The following MOXD1 variants were observed in gnomAD, a reference collection of about 807,000 sequenced individuals.
MOXD1 encodes DBH-like monooxygenase protein 1.
In MOXD1, 62 loss-of-function variants were observed where a neutral mutation model predicts 66.6. That is an observed-to-expected ratio of 0.93 (90% CI 0.76 to 1.15). The LOEUF is 1.15. Among genes scored for constraint, MOXD1 ranks in the 50% most tolerant of loss-of-function variants. The pLI, the probability that MOXD1 is intolerant of heterozygous loss-of-function variation, is 0.00. For missense variants in MOXD1, 847 were observed against 754.6 expected (o/e 1.12, Z -1.44); for synonymous variants, 303 against 281.9 (o/e 1.07, Z -0.75).
intron 1 of MOXD1, among the ~76,000 whole-genome samples, chr6:132,399,828 T>C (rs184770128): frequency 2.6e-5 from 4 of 152,316 alleles, no homozygotes; most frequent in Admixed American, 2.6e-4. Context: ...CTACTTTATA[T>C]TACAGGAGAA....
intron 1 of MOXD1, among the ~76,000 whole-genome samples, chr6:132,379,424 T>TC (rs1776466721): frequency 6.6e-6 from 1 of 152,050 alleles, no homozygotes; most frequent in Admixed American, 6.5e-5. Flanking sequence ...ACTGAATTCT[T>TC]CCCCCTAAGT....
intron 4 of MOXD1, among the ~76,000 whole-genome samples, chr6:132,343,381 C>T (rs775736914): frequency 1.3e-5 from 2 of 152,090 alleles, no homozygotes; most frequent in Non-Finnish European, 2.9e-5. Flanking sequence ...TCAAGACCAG[C>T]CTGGCTAACA....
chr6:132,317,242 T>C (rs987689200), intron 9 of MOXD1, among the ~76,000 whole-genome samples: 22 of 152,172 alleles, frequency 1.4e-4, no homozygotes, highest in Admixed American at 3.9e-4. Context: ...ATTGTTTATA[T>C]TCTAAATTAA....
In MOXD1 at chr6:132,376,151, A is replaced by T. The variant is rs115336429; in HGVS notation, c.265-1374T>A. Among the ~76,000 whole-genome samples, 561 of 152,288 alleles carry T rather than the reference A, an allele frequency of 3.7e-3. 2 individuals are homozygous for T. Among genetic ancestry groups the T allele is most frequent in the African/African-American group, 0.013 (533 of 41,564 alleles). Reference sequence around the variant, plus strand: ...CTTTCTGGTTTTTCAGTACCTGATGATATTTTATTTTTGAGAAGTTGTACA... The same window carrying T: ...CTTTCTGGTTTTTCAGTACCTGATGTTATTTTATTTTTGAGAAGTTGTACA... On this transcript the variant is annotated intron_variant, in intron 1 of 11. Transcript: ENST00000367963.
At chr6:132,391,980 C>A (rs35397690) in intron 1 of MOXD1, 83 of 523,200 alleles carry the variant, frequency 1.6e-4, no homozygotes, top group Middle Eastern at 4.8e-4. Flanking sequence ...GAAGTCTCTT[C>A]GTTGCCTGGA....
chr6:132,336,555 A>G (rs1582579564), intron 4 of MOXD1, among the ~76,000 whole-genome samples: 1 of 152,168 alleles, frequency 6.6e-6, no homozygotes, highest in Admixed American at 6.5e-5. Context: ...AGAGACAACC[A>G]GAATTAACAA....
chr6:132,380,018 C>T (rs1279305772), intron 1 of MOXD1, among the ~76,000 whole-genome samples: 2 of 152,178 alleles, frequency 1.3e-5, no homozygotes, highest in African/African-American at 2.4e-5. Context: ...TCCCACAGTT[C>T]TGGGATCACA....
intron 4 of MOXD1, among the ~76,000 whole-genome samples, chr6:132,345,924 C>T (rs1158920612): frequency 1.3e-5 from 2 of 151,954 alleles, no homozygotes; most frequent in Non-Finnish European, 2.9e-5. Context: ...TGGGGGGATC[C>T]CAGCAAAGAC....
At position 132,359,121 on chromosome 6, in the gene MOXD1, C is replaced by CTT. The variant is rs1209201997; in HGVS notation, c.663+13485_663+13486dup. 4.0e-3 allele frequency among the ~76,000 whole-genome samples: 551 copies of CTT among 138,428 alleles called. 3 individuals carry two copies. The highest frequency in any genetic ancestry group is 0.034 in the Middle Eastern group (9 of 264). The allele number at this position is 138,428 out of a possible 152,430, so 90.8% of individuals were successfully genotyped here. On this transcript the variant is annotated intron_variant, in intron 4 of 11. Coordinates refer to ENST00000367963, the MANE Select transcript of MOXD1 (RefSeq NM_015529.4). ...CTCTTAGGAACTGCCTGCAGCTTTC[C>CTT]TTTTTTTTTTTTTTCTGAGGCAGGA...
chr6:132,308,878 T>C (rs985882743), intron 10 of MOXD1, among the ~76,000 whole-genome samples: 1 of 152,074 alleles, frequency 6.6e-6, no homozygotes, highest in African/African-American at 2.4e-5. Context: ...CTCAAAATAA[T>C]AAGAGCTATT....
At chr6:132,336,191 C>A (rs1409223999) in intron 4 of MOXD1, among the ~76,000 whole-genome samples, 1 of 152,168 alleles carries the variant, frequency 6.6e-6, no homozygotes, top group Non-Finnish European at 1.5e-5. Context: ...TGGGTGTAAT[C>A]TGTAATGAGC....
intron 4 of MOXD1, among the ~76,000 whole-genome samples, chr6:132,348,565 A>G (rs1775715025): frequency 1.3e-5 from 2 of 152,238 alleles, no homozygotes; most frequent in South Asian, 4.1e-4. Flanking sequence ...TCAGAGTTTA[A>G]ATATTCTCAG....
chr6:132,366,501 G>A (rs1368466944), intron 4 of MOXD1, among the ~76,000 whole-genome samples: 3 of 152,004 alleles, frequency 2.0e-5, no homozygotes, highest in East Asian at 3.9e-4. Flanking sequence ...TCCATCGGGG[G>A]AAAAACTGCA....
At chr6:132,380,917 G>T (rs536122959) in intron 1 of MOXD1, among the ~76,000 whole-genome samples, 5 of 152,126 alleles carry the variant, frequency 3.3e-5, no homozygotes, top group Non-Finnish European at 7.4e-5. Flanking sequence ...GCCCCTACAC[G>T]CACATGAATC....
intron 4 of MOXD1, among the ~76,000 whole-genome samples, chr6:132,363,205 C>T (rs1776049298): frequency 1.9e-5 from 1 of 53,428 alleles, no homozygotes; most frequent in African/African-American, 8.3e-5. Flanking sequence ...GTCAAATGTT[C>T]TTACCACAAT....
chr6:132,373,489 C>A (rs1181229698), intron 2 of MOXD1, among the ~76,000 whole-genome samples: 1 of 152,192 alleles, frequency 6.6e-6, no homozygotes, highest in Non-Finnish European at 1.5e-5. Context: ...AGCCTAGTCA[C>A]ACGTATACAT....
In MOXD1 at chr6:132,359,521, C is replaced by G. The variant is rs561216613; in HGVS notation, c.663+13087G>C. Among the ~76,000 whole-genome samples, 1,096 of 138,482 alleles carry G rather than the reference C, an allele frequency of 7.9e-3. 5 individuals are homozygous for G. The highest frequency in any genetic ancestry group is 0.012 in the Non-Finnish European group (783 of 66,344). 90.8% of individuals were successfully genotyped at this position (138,482 alleles called of 152,430 possible). On this transcript the variant is annotated intron_variant, in intron 4 of 11. Coordinates refer to ENST00000367963, the MANE Select transcript of MOXD1 (RefSeq NM_015529.4). ...TTTTTTTTTGAGACGGAGTCTCGCT[C>G]TGTCGCCCAGGCTGGAGTGCAGTGG...
intron 1 of MOXD1, among the ~76,000 whole-genome samples, chr6:132,375,622 A>G (rs2114667029): frequency 6.6e-6 from 1 of 152,204 alleles, no homozygotes; most frequent in Admixed American, 6.5e-5. Flanking sequence ...GGGTTTCACC[A>G]TGTTAGCCAG....
At chr6:132,400,186 C>T (rs975034706) in intron 1 of MOXD1, among the ~76,000 whole-genome samples, 1 of 152,166 alleles carries the variant, frequency 6.6e-6, no homozygotes, top group Non-Finnish European at 1.5e-5. Flanking sequence ...TCTAAATCCA[C>T]GGAGAACACT....
Sources: allele counts gnomAD v4.1 joint callset (sites outside exome capture counted in the v4.1 genomes callset), GRCh38; gene constraint gnomAD v4.1.1; transcripts MANE v1.5; gene names NCBI Gene and HGNC (gene_info 2026-07-23, HGNC 2026-07-21).